NCAM2: variants seen among roughly 807,000 people sequenced by gnomAD.
The protein encoded by NCAM2 is N-CAM-2.
Under a neutral mutation model 98.1 loss-of-function variants are expected in NCAM2, and 30 were observed. The observed-to-expected ratio is 0.31, with a 90% CI of 0.23 to 0.41. The LOEUF is 0.41. Ranked by LOEUF, NCAM2 falls within the 10% of genes least tolerant of loss-of-function variation. NCAM2 has a pLI of 1.00. For synonymous variants in NCAM2, 368 were observed against 342.4 expected (o/e 1.07, Z -0.83); for missense variants, 867 against 1,005.8 (o/e 0.86, Z 1.87).
chr21:21,317,401 C>T (rs13048678), intron 5 of NCAM2, among the ~76,000 whole-genome samples: 63,754 of 151,986 alleles, frequency 0.42, 14,652 homozygotes, highest in Non-Finnish European at 0.53. Flanking sequence ...AGATTATTTT[C>T]TGCAGAATTT....
intron 1 of NCAM2, among the ~76,000 whole-genome samples, chr21:21,193,215 A>AGTT (rs1299134043): frequency 1.3e-5 from 2 of 152,190 alleles, no homozygotes; most frequent in Non-Finnish European, 2.9e-5. Flanking sequence ...CTCAGATTAC[A>AGTT]GTTAAATGAA....
At chr21:21,040,391 G>A (rs2064880714) in intron 1 of NCAM2, among the ~76,000 whole-genome samples, 1 of 152,032 alleles carries the variant, frequency 6.6e-6, no homozygotes, top group Admixed American at 6.6e-5. Flanking sequence ...GCGTGGGTGT[G>A]TATAATTATT....
chr21:21,073,541 A>G (rs1380472817), intron 1 of NCAM2, among the ~76,000 whole-genome samples: 1 of 152,186 alleles, frequency 6.6e-6, no homozygotes, highest in East Asian at 1.9e-4. Flanking sequence ...CTCACTCATA[A>G]CACATTCAGT....
chr21:21,219,751 G>T (rs1442593495), intron 1 of NCAM2, among the ~76,000 whole-genome samples: 2 of 152,160 alleles, frequency 1.3e-5, no homozygotes, highest in East Asian at 3.9e-4. Context: ...TGGTCTTTCA[G>T]GAGGTATTTC....
intron 1 of NCAM2, among the ~76,000 whole-genome samples, chr21:21,276,898 GA>G (rs1357835611): frequency 6.6e-6 from 1 of 151,894 alleles, no homozygotes; most frequent in Non-Finnish European, 1.5e-5. Context: ...TGTACTGAAT[GA>G]AAAATTAACC....
At chr21:21,465,639 T>C (rs1242356463) in intron 12 of NCAM2, among the ~76,000 whole-genome samples, 2 of 151,970 alleles carry the variant, frequency 1.3e-5, no homozygotes, top group African/African-American at 4.8e-5. Flanking sequence ...TGTAAAACTA[T>C]AGTTCTGCAA....
chr21:21,115,828 G>T (rs550162324), intron 1 of NCAM2, among the ~76,000 whole-genome samples: 7 of 152,260 alleles, frequency 4.6e-5, no homozygotes, highest in Non-Finnish European at 8.8e-5. Context: ...TGTAGAATTT[G>T]CAATGTCTTG....
At chr21:21,031,020 A>G (rs2064670599) in intron 1 of NCAM2, among the ~76,000 whole-genome samples, 1 of 152,190 alleles carries the variant, frequency 6.6e-6, no homozygotes, top group African/African-American at 2.4e-5. Flanking sequence ...TATTTTCTGC[A>G]GAATGAGAAA....
intron 6 of NCAM2, among the ~76,000 whole-genome samples, chr21:21,324,922 G>A (rs1333858575): frequency 6.6e-6 from 1 of 151,810 alleles, no homozygotes; most frequent in East Asian, 1.9e-4. Flanking sequence ...ACAAAATGTT[G>A]TATTATAGAA....
intron 1 of NCAM2, among the ~76,000 whole-genome samples, chr21:21,264,788 A>G (rs1263673366): frequency 6.2e-5 from 5 of 80,916 alleles, no homozygotes; most frequent in Non-Finnish European, 1.0e-4. Flanking sequence ...ATACATATAT[A>G]TATATTCCAC....
chr21:21,224,072 C>T (rs1465817613), intron 1 of NCAM2, among the ~76,000 whole-genome samples: 1 of 152,092 alleles, frequency 6.6e-6, no homozygotes, highest in African/African-American at 2.4e-5. Context: ...CTTGTGAAGC[C>T]ACTGACACTC....
intron 1 of NCAM2, among the ~76,000 whole-genome samples, chr21:21,163,642 A>ATT (rs2067860436): frequency 1.3e-5 from 2 of 152,116 alleles, no homozygotes; most frequent in Non-Finnish European, 2.9e-5. Context: ...ATGACATGAT[A>ATT]ATAATAGTTT....
intron 3 of NCAM2, 62 bp downstream of exon 3, chr21:21,284,462 A>C: frequency 1.6e-6 from 2 of 1,266,810 alleles, no homozygotes; most frequent in Non-Finnish European, 2.3e-6. Context: ...ATAACCGAAA[A>C]AATAAAATGT....
chr21:21,011,538 A>C (rs1205842295), intron 1 of NCAM2, among the ~76,000 whole-genome samples: 2 of 152,108 alleles, frequency 1.3e-5, no homozygotes, highest in African/African-American at 4.8e-5. Flanking sequence ...TATTATATCA[A>C]GCTAAGTATC....
intron 8 of NCAM2, among the ~76,000 whole-genome samples, chr21:21,339,303 C>T (rs918849054): frequency 6.6e-6 from 1 of 152,040 alleles, no homozygotes; most frequent in South Asian, 2.1e-4. Context: ...GAAATAGGTA[C>T]AAACAAATTA....
intron 1 of NCAM2, among the ~76,000 whole-genome samples, chr21:21,173,845 G>C (rs970033958): frequency 1.3e-5 from 2 of 152,142 alleles, no homozygotes; most frequent in African/African-American, 4.8e-5. Flanking sequence ...ATTCTGTGTG[G>C]CATAATTAGC....
chr21:21,237,361 A>G (rs1177368775), intron 1 of NCAM2, among the ~76,000 whole-genome samples: 1 of 152,180 alleles, frequency 6.6e-6, no homozygotes, highest in Non-Finnish European at 1.5e-5. Flanking sequence ...TCAGTAGGTA[A>G]GATGAAACGT....
chr21:21,462,325 A>G (rs1983087110), intron 12 of NCAM2, among the ~76,000 whole-genome samples: 1 of 152,072 alleles, frequency 6.6e-6, no homozygotes, highest in Admixed American at 6.6e-5. Context: ...AGGGTTTGAG[A>G]AAGGAAAGAG....
intron 12 of NCAM2, among the ~76,000 whole-genome samples, chr21:21,459,512 T>C (rs2146183671): frequency 6.7e-6 from 1 of 148,256 alleles, no homozygotes; most frequent in South Asian, 2.1e-4. Context: ...GTATAGAATG[T>C]TTATATATAT....
Sources: allele counts gnomAD v4.1 joint callset (sites outside exome capture counted in the v4.1 genomes callset), GRCh38; gene constraint gnomAD v4.1.1; transcripts MANE v1.5; gene names NCBI Gene and HGNC (gene_info 2026-07-23, HGNC 2026-07-21).